Variants in JAKMIP1 observed in about 807,000 individuals in gnomAD.
JAKMIP1 encodes janus kinase and microtubule-interacting protein 1.
JAKMIP1 carries 33 observed loss-of-function variants against 113.0 expected under a neutral mutation model. That is an observed-to-expected ratio of 0.29 (90% confidence interval 0.22 to 0.39). The LOEUF is 0.39. Among genes scored for constraint, JAKMIP1 ranks in the 10% least tolerant of loss-of-function variants. JAKMIP1 has a pLI of 1.00. For synonymous variants in JAKMIP1, 480 were observed against 459.9 expected (o/e 1.04, Z -0.56); for missense variants, 813 against 1,080.5 (o/e 0.75, Z 3.47).
At position 6,142,746 on chromosome 4, in the gene JAKMIP1, AG is replaced by A. The variant is rs1351272536; in HGVS notation, c.-147-29750del. 6.6e-6 allele frequency among the ~76,000 whole-genome samples: 1 copy of A among 152,202 alleles called. No homozygotes were observed. Among genetic ancestry groups the A allele is most frequent in the Admixed American group, 6.5e-5 (1 of 15,288 alleles). ...TGCTCTGGCCCCGGGGCCTGGCCGC[AG>A]GCAGAGATCAGTTCATGAAGGCAGA... is the stretch of plus-strand genomic sequence containing the variant. On this transcript the variant is annotated intron_variant, in intron 1 of 20. Transcript: ENST00000409021. This position sits in a 1 kb window ranked among gnomAD's most constrained non-coding sequence, Gnocchi z 5.5.
chr4:6,045,343 G>T (rs527930605), intron 16 of JAKMIP1, among the ~76,000 whole-genome samples: 1 of 152,316 alleles, frequency 6.6e-6, no homozygotes, highest in East Asian at 1.9e-4. Context: ...CAGGTTCTCT[G>T]TGGGGCACGT....
rs1726791373 is a variant in JAKMIP1 at position 6,187,619 on chromosome 4, G to A, written c.-148+12634C>T. Among the ~76,000 whole-genome samples the A allele has an allele frequency of 6.6e-6, 1 of 152,244 alleles. No individual in the cohort carries two copies. The highest frequency in any genetic ancestry group is 1.5e-5 in the Non-Finnish European group (1 of 68,038). On this transcript the variant is annotated intron_variant, in intron 1 of 20. Coordinates refer to ENST00000409021, the MANE Select transcript of JAKMIP1 (RefSeq NM_001099433.2). The surrounding 1 kb of genome is among the most constrained non-coding windows in gnomAD (Gnocchi z 4.2). ...CAGCAAGAAGACTGCTGTCAATGGGGAGGCAGGGCCTCACCAGACACTGAA... is the reference window on the plus strand; with the variant it reads ...CAGCAAGAAGACTGCTGTCAATGGGAAGGCAGGGCCTCACCAGACACTGAA...
rs112445914 is a variant in JAKMIP1, at chr4:6,154,270, T to C, written c.-147-41273A>G. Reference sequence around the variant, plus strand: ...GCTGCACTGGGGAGAGTTGCTCCTATTTTAGGCCATTGAACTACTTTAATA... The same window carrying C: ...GCTGCACTGGGGAGAGTTGCTCCTACTTTAGGCCATTGAACTACTTTAATA... On this transcript the variant is annotated intron_variant, in intron 1 of 20. Coordinates refer to ENST00000409021, the MANE Select transcript of JAKMIP1 (RefSeq NM_001099433.2). The surrounding 1 kb of genome is among the most constrained non-coding windows in gnomAD (Gnocchi z 4.2). 0.043 allele frequency among the ~76,000 whole-genome samples: 6,606 copies of C among 152,206 alleles called. 320 individuals are homozygous for C. Among genetic ancestry groups the C allele is most frequent in the African/African-American group, 0.12 (5,030 of 41,492 alleles).
At chr4:6,032,660 CACAAAACAAAACAAAACAAA>C (rs10572045) in intron 19 of JAKMIP1, among the ~76,000 whole-genome samples, 4,756 of 149,326 alleles carry the variant, frequency 0.032, 231 homozygotes, top group African/African-American at 0.11. Flanking sequence ...AACAACACAA[CACAAAACAAAACAAAACAAA>C]ACAAAACAAA....
chr4:6,190,295 A>G (rs941943209), intron 1 of JAKMIP1, among the ~76,000 whole-genome samples: 2 of 152,218 alleles, frequency 1.3e-5, no homozygotes, highest in African/African-American at 4.8e-5. Context: ...GCAGATTAAC[A>G]TATCTCTATC....
Position 6,036,009 on chromosome 4 carries a change from C to A in JAKMIP1, c.2274G>T (p.Leu758=). ...TGCGCACCTTTTCCACAGCAGCCTG[C>A]AGGTCCTCCCGCTGGCCCTCGCTCA... ...EALSEGQRED[L]QAAVEKVRRQ... The change falls in exon 19 of 21, where the codon CTG becomes CTT. Residue 758 remains leucine, a synonymous_variant. Transcript: ENST00000409021. 1 of 1,552,186 alleles carries A rather than the reference C, an allele frequency of 6.4e-7. No homozygotes were observed. The highest frequency in any genetic ancestry group is 8.7e-7 in the Non-Finnish European group (1 of 1,147,290).
chr4:6,119,689 CTCA>C (rs571490053), intron 1 of JAKMIP1, among the ~76,000 whole-genome samples: 182 of 152,354 alleles, frequency 1.2e-3, no homozygotes, highest in African/African-American at 4.2e-3. Context: ...TGTGTGTGAT[CTCA>C]TCAAGAAACC....
In JAKMIP1 at chr4:6,135,550, G is replaced by A. The variant is rs1027949503; in HGVS notation, c.-147-22553C>T. Among the ~76,000 whole-genome samples the A allele has an allele frequency of 1.3e-5, 2 of 152,136 alleles. No homozygotes were observed. The highest frequency in any genetic ancestry group is 1.3e-4 in the Admixed American group (2 of 15,274). On this transcript the variant is annotated intron_variant, in intron 1 of 20. Transcript: ENST00000409021. The surrounding 1 kb of genome is among the most constrained non-coding windows in gnomAD (Gnocchi z 4.9). ...AGCTGCCCGACCCCACTCCACGGAC[G>A]GGGATTTCCCAGGTCCAGCCTGGCC... is the stretch of plus-strand genomic sequence containing the variant.
At chr4:6,058,077 T>G (rs1167143391) in intron 11 of JAKMIP1, among the ~76,000 whole-genome samples, 1 of 152,204 alleles carries the variant, frequency 6.6e-6, no homozygotes. Context: ...GGGCCTGGGA[T>G]AGGTGAGAGT....
At chr4:6,100,846 T>C (rs571691600) in intron 3 of JAKMIP1, among the ~76,000 whole-genome samples, 34 of 152,314 alleles carry the variant, frequency 2.2e-4, no homozygotes, top group Non-Finnish European at 3.8e-4. Context: ...TTTTCACATA[T>C]TTGTTAGTCA....
chr4:6,121,379 C>G (rs923882970), intron 1 of JAKMIP1, among the ~76,000 whole-genome samples: 7 of 152,078 alleles, frequency 4.6e-5, no homozygotes, highest in Non-Finnish European at 7.4e-5. Context: ...TGTTCAGGCC[C>G]GGAACAACGT....
chr4:6,050,785 C>T lies in JAKMIP1; in HGVS notation c.1807-106G>A, dbSNP rs16838114. 0.015 allele frequency: 13,565 copies of T among 893,630 alleles called. 614 individuals are homozygous for T. Among genetic ancestry groups the T allele is most frequent in the African/African-American group, 0.13 (8,007 of 59,462 alleles). The allele number at this position is 893,630 out of a possible 1,614,324, so 55.4% of individuals were successfully genotyped here. A position where few individuals can be genotyped will look rare whatever the true frequency, so the allele number is the denominator to read the frequency against. On this transcript the variant is annotated intron_variant, in intron 13 of 20. Coordinates refer to ENST00000409021, the MANE Select transcript of JAKMIP1 (RefSeq NM_001099433.2). The surrounding 1 kb of genome is among the most constrained non-coding windows in gnomAD (Gnocchi z 7.4). ...ACCAAGGAATTCCAGTGGGCACAGA[C>T]GTTACTAAAAAGCACGAGTTCGGAC...
chr4:6,045,477 T>A (rs1000358372), intron 16 of JAKMIP1, among the ~76,000 whole-genome samples: 6 of 152,074 alleles, frequency 3.9e-5, no homozygotes, highest in Non-Finnish European at 7.3e-5. Context: ...TGGGCGGAGA[T>A]GAGGAAAGCA....
chr4:6,159,795 T>A (rs75525642), intron 1 of JAKMIP1, among the ~76,000 whole-genome samples: 1,878 of 152,326 alleles, frequency 0.012, 26 homozygotes, highest in African/African-American at 0.042. Context: ...CGCTAATAGC[T>A]TCACTCTGAA....
Position 6,192,134 on chromosome 4 carries a change from T to C in JAKMIP1, c.-148+8119A>G. Among the ~76,000 whole-genome samples, 1 of 151,936 alleles carries C rather than the reference T, an allele frequency of 6.6e-6. No homozygotes were observed. Among genetic ancestry groups the C allele is most frequent in the Non-Finnish European group, 1.5e-5 (1 of 67,970 alleles). On this transcript the variant is annotated intron_variant, in intron 1 of 20. Transcript: ENST00000409021. The surrounding 1 kb of genome is among the most constrained non-coding windows in gnomAD (Gnocchi z 5.0). Reference sequence around the variant, plus strand: ...TTTCAGTAGAGATGGGGTTTCACCATGTTGGCCAGGCTGGTCTTGAACTCC... The same window carrying C: ...TTTCAGTAGAGATGGGGTTTCACCACGTTGGCCAGGCTGGTCTTGAACTCC...
chr4:6,141,647 T>C lies in JAKMIP1; in HGVS notation c.-147-28650A>G, dbSNP rs1484505818. The stretch of plus-strand genomic sequence containing the variant: ...TCCTCCACTCCCAAATCCACATGAT[T>C]CTCCATCTTAACTTGCCGGTAGCTG... On this transcript the variant is annotated intron_variant, in intron 1 of 20. Coordinates refer to ENST00000409021, the MANE Select transcript of JAKMIP1 (RefSeq NM_001099433.2). The surrounding 1 kb of genome is among the most constrained non-coding windows in gnomAD (Gnocchi z 9.4). 6.6e-6 allele frequency among the ~76,000 whole-genome samples: 1 copy of C among 152,128 alleles called. No homozygotes were observed. Among genetic ancestry groups the C allele is most frequent in the Non-Finnish European group, 1.5e-5 (1 of 68,018 alleles).
At position 6,188,740 on chromosome 4, in the gene JAKMIP1, C is replaced by T. The variant is rs994498529; in HGVS notation, c.-148+11513G>A. 2.0e-5 allele frequency among the ~76,000 whole-genome samples: 3 copies of T among 152,204 alleles called. No individual in the cohort carries two copies. The highest frequency in any genetic ancestry group is 4.4e-5 in the Non-Finnish European group (3 of 68,026). On this transcript the variant is annotated intron_variant, in intron 1 of 20. Transcript: ENST00000409021. This position sits in a 1 kb window ranked among gnomAD's most constrained non-coding sequence, Gnocchi z 5.8. ...CAGCAATAAGACTTGTTTGTGTCTTCAGTCTGAAGTGTCTTGCATTTGTCC... is the reference window on the plus strand; with the variant it reads ...CAGCAATAAGACTTGTTTGTGTCTTTAGTCTGAAGTGTCTTGCATTTGTCC...
rs377657757 is a variant in JAKMIP1 at position 6,080,151 on chromosome 4, C to T, written c.1242+21G>A. The T allele has an allele frequency of 2.3e-5, 36 of 1,574,210 alleles. No homozygotes were observed. Among genetic ancestry groups the T allele is most frequent in the East Asian group, 4.7e-5 (2 of 42,892 alleles). Reference sequence around the variant, plus strand: ...GTGCCACCCCTGCCAGGGGCAGCCGCGCCAGCTGTGCTAGATGTACCAGTG... The same window carrying T: ...GTGCCACCCCTGCCAGGGGCAGCCGTGCCAGCTGTGCTAGATGTACCAGTG... On this transcript the variant is annotated intron_variant, in intron 7 of 20. Coordinates refer to ENST00000409021, the MANE Select transcript of JAKMIP1 (RefSeq NM_001099433.2). This position sits in a 1 kb window ranked among gnomAD's most constrained non-coding sequence, Gnocchi z 6.0.
chr4:6,104,405 C>T (rs1279128477), intron 3 of JAKMIP1, among the ~76,000 whole-genome samples: 1 of 152,090 alleles, frequency 6.6e-6, no homozygotes, highest in Non-Finnish European at 1.5e-5. Flanking sequence ...CTGAATTGAC[C>T]CTTTATTATT....
Sources: allele counts gnomAD v4.1 joint callset (sites outside exome capture counted in the v4.1 genomes callset), GRCh38; gene constraint gnomAD v4.1.1; non-coding constraint Gnocchi (gnomAD v3.1); transcripts MANE v1.5; gene names NCBI Gene and HGNC (gene_info 2026-07-23, HGNC 2026-07-21).